The following CLMN variants were observed in gnomAD, a reference collection of about 807,000 sequenced individuals.
CLMN encodes calmin.
CLMN carries 57 observed loss-of-function variants against 92.7 expected under a neutral mutation model. The observed-to-expected ratio is 0.61, with a 90% CI of 0.50 to 0.77. The LOEUF is 0.77. Among genes scored for constraint, CLMN ranks in the 30% least tolerant of loss-of-function variants. The pLI, the probability that CLMN is intolerant of heterozygous loss-of-function variation, is 0.00. For missense variants in CLMN, 1,158 were observed against 1,237.5 expected, an observed-to-expected ratio of 0.94 and a Z score of 0.96; for synonymous variants, 466 against 470.6, an observed-to-expected ratio of 0.99 and a Z score of 0.13.
chr14:95,308,740 T>G (rs537630438), intron 1 of CLMN, among the ~76,000 whole-genome samples: 18 of 152,186 alleles, frequency 1.2e-4, no homozygotes, highest in Non-Finnish European at 1.8e-4. Context: ...ATGTACTGTA[T>G]ATTATACATA....
intron 1 of CLMN, among the ~76,000 whole-genome samples, chr14:95,278,378 T>C (rs1371853847): frequency 6.6e-6 from 1 of 152,162 alleles, no homozygotes; most frequent in African/African-American, 2.4e-5. Flanking sequence ...TCTGAAAAAG[T>C]TTTTTCTTCT....
intron 8 of CLMN, among the ~76,000 whole-genome samples, chr14:95,208,425 C>A (rs58656724): frequency 1.3e-5 from 2 of 152,184 alleles, no homozygotes; most frequent in Admixed American, 6.5e-5. Context: ...CAAAAAAACT[C>A]TCACCAAGTA....
chr14:95,209,816 C>T (rs1566868229), intron 7 of CLMN, among the ~76,000 whole-genome samples: 1 of 152,180 alleles, frequency 6.6e-6, no homozygotes. Context: ...ATATGGTATA[C>T]GGAGTCCTAC....
At chr14:95,252,575 A>T (rs1265066370) in intron 1 of CLMN, among the ~76,000 whole-genome samples, 1 of 152,146 alleles carries the variant, frequency 6.6e-6, no homozygotes, top group Non-Finnish European at 1.5e-5. Context: ...TCTGACTACG[A>T]AGGACCTTAG....
In CLMN at chr14:95,246,508, G is replaced by A. The variant is rs144569753; in HGVS notation, c.83-16375C>T. ...TTTTGAGATGGAGTCTCGCTCTGTCGCCCAGGCTGGAGTGCAGTGGCGCCA... is the reference window on the plus strand; with the variant it reads ...TTTTGAGATGGAGTCTCGCTCTGTCACCCAGGCTGGAGTGCAGTGGCGCCA... On this transcript the variant is annotated intron_variant, in intron 1 of 12. Transcript: ENST00000298912. Among the ~76,000 whole-genome samples, 141 of 152,300 alleles carry A rather than the reference G, an allele frequency of 9.3e-4. 1 individual carries two copies. In the East Asian group the frequency reaches 0.02, roughly 21 times the overall value.
intron 1 of CLMN, among the ~76,000 whole-genome samples, chr14:95,312,133 G>T (rs1403786531): frequency 6.6e-6 from 1 of 152,010 alleles, no homozygotes; most frequent in Non-Finnish European, 1.5e-5. Context: ...AGACTGGACT[G>T]GGCCTCCCTC....
chr14:95,191,688 CT>C lies in CLMN; in HGVS notation c.2884del (p.Ser962AlafsTer7). On this transcript the variant is annotated frameshift_variant, in exon 13 of 13. Coordinates refer to ENST00000298912, the MANE Select transcript of CLMN (RefSeq NM_024734.4). LOFTEE classifies it high-confidence loss of function. This position sits in a 1 kb window ranked among gnomAD's most constrained non-coding sequence, Gnocchi z 5.3. ...SGEAMSLGSH[S>X]PQSDSLTQLV... is the part of the protein sequence containing the mutation. ...CTGTGTCAGGGAGTCACTCTGCGGG[CT>C]GTGGCTCCCCAGTGACATGGCTTCT... is the stretch of plus-strand genomic sequence containing the variant. 1.9e-6 allele frequency: 3 copies of C among 1,612,888 alleles called. No individual in the cohort carries two copies. Among genetic ancestry groups the C allele is most frequent in the Non-Finnish European group, 2.5e-6 (3 of 1,179,834 alleles).
Position 95,203,899 on chromosome 14 carries a change from A to G in CLMN, c.1450T>C (p.Ser484Pro), listed in dbSNP as rs1896965094. 1 of 1,613,128 alleles carries G rather than the reference A, an allele frequency of 6.2e-7. No homozygotes were observed. Among genetic ancestry groups the G allele is most frequent in the Non-Finnish European group, 8.5e-7 (1 of 1,180,020 alleles). The change falls in exon 9 of 13, where the codon TCC becomes CCC. Residue 484 changes from serine to proline, a missense_variant. By Grantham distance (74) the Ser-to-Pro change is moderately conservative (BLOSUM62 -1). Coordinates refer to ENST00000298912, the MANE Select transcript of CLMN (RefSeq NM_024734.4). ...QKQESSKIPE[S>P]SSDKVAGDIF... The stretch of plus-strand genomic sequence containing the variant: ...TCACCAGCGACCTTGTCAGAGGAGG[A>G]TTCTGGAATCTTCGAGGATTCCTGT...
At chr14:95,306,874 C>T (rs1901302107) in intron 1 of CLMN, among the ~76,000 whole-genome samples, 1 of 152,140 alleles carries the variant, frequency 6.6e-6, no homozygotes, top group Admixed American at 6.5e-5. Flanking sequence ...GTCCTACATC[C>T]TCACCTTCTA....
chr14:95,245,280 ATAGTTTT>A, intron 1 of CLMN, among the ~76,000 whole-genome samples: 1 of 74,056 alleles, frequency 1.4e-5, no homozygotes, highest in Non-Finnish European at 2.3e-5. Flanking sequence ...TTATATATAT[ATAGTTTT>A]GTTTTGTTTT....
Position 95,191,265 on chromosome 14 carries a change from T to C in CLMN, c.*299A>G, listed in dbSNP as rs1184499972. ...TGCTAAGATCCAGGCGGGCTAATGATCACTAACAATGCTCCCTATCCAACC... is the reference window on the plus strand; with the variant it reads ...TGCTAAGATCCAGGCGGGCTAATGACCACTAACAATGCTCCCTATCCAACC... On this transcript the variant is annotated 3_prime_UTR_variant, in exon 13 of 13. Transcript: ENST00000298912. The surrounding 1 kb of genome is among the most constrained non-coding windows in gnomAD (Gnocchi z 5.3). 1 of 215,964 alleles carries C rather than the reference T, an allele frequency of 4.6e-6. No individual in the cohort carries two copies. The highest frequency in any genetic ancestry group is 9.0e-6 in the Non-Finnish European group (1 of 110,582). 13.4% of individuals were successfully genotyped at this position (215,964 alleles called of 1,614,324 possible). A position where few individuals can be genotyped will look rare whatever the true frequency, so the allele number is the denominator to read the frequency against.
chr14:95,204,541 TAAG>T, intron 8 of CLMN, 78 bp from the exon 9 acceptor site: 1 of 1,307,840 alleles, frequency 7.6e-7, no homozygotes, highest in Non-Finnish European at 1.0e-6. Flanking sequence ...GCAACATGAG[TAAG>T]AAGAATATTT....
chr14:95,245,179 T>TATATATATATATA (rs1898420052), intron 1 of CLMN, among the ~76,000 whole-genome samples: 3 of 35,906 alleles, frequency 8.4e-5, no homozygotes, highest in African/African-American at 2.5e-4. Flanking sequence ...TTATATTATA[T>TATATATATATATA]ATATATATAT....
chr14:95,234,226 GA>G (rs898680840), intron 1 of CLMN, among the ~76,000 whole-genome samples: 4 of 152,142 alleles, frequency 2.6e-5, no homozygotes, highest in African/African-American at 9.7e-5. Context: ...TATCAGCCCA[GA>G]AAGCACCCCC....
chr14:95,191,406 G>GA lies in CLMN; in HGVS notation c.*157dup, dbSNP rs540351557. 92,148 of 354,368 alleles carry GA rather than the reference G, an allele frequency of 0.26. 2,909 individuals are homozygous for GA. The highest frequency in any genetic ancestry group is 0.41 in the East Asian group (9,558 of 23,504). The allele number at this position is 354,368 out of a possible 1,614,324, so 22.0% of individuals were successfully genotyped here. A position where few individuals can be genotyped will look rare whatever the true frequency, so the allele number is the denominator to read the frequency against. The stretch of plus-strand genomic sequence containing the variant: ...GTTGTCCAGAAAAAAAAGGAAACCT[G>GA]AAAAAAAAAAAAAAACCACAATAGC... On this transcript the variant is annotated 3_prime_UTR_variant, in exon 13 of 13. Transcript: ENST00000298912. The surrounding 1 kb of genome is among the most constrained non-coding windows in gnomAD (Gnocchi z 5.3).
At chr14:95,193,583 A>G (rs547242907) in intron 12 of CLMN, among the ~76,000 whole-genome samples, 1 of 152,296 alleles carries the variant, frequency 6.6e-6, no homozygotes, top group Non-Finnish European at 1.5e-5. Context: ...ACACAGCTGC[A>G]GGCTCAGAAC....
At chr14:95,280,012 ATTAAG>A (rs1900086968) in intron 1 of CLMN, among the ~76,000 whole-genome samples, 1 of 151,548 alleles carries the variant, frequency 6.6e-6, no homozygotes, top group African/African-American at 2.4e-5. Flanking sequence ...AAAGGATTAT[ATTAAG>A]TTAGATAGGC....
At chr14:95,226,311 T>C (rs1212386844) in intron 2 of CLMN, among the ~76,000 whole-genome samples, 1 of 152,208 alleles carries the variant, frequency 6.6e-6, no homozygotes, top group Admixed American at 6.5e-5. Context: ...ATAGTTGTTA[T>C]ACTCTATCGT....
At chr14:95,192,022 G>A (rs1595547411) in intron 12 of CLMN, 3 of 285,704 alleles carry the variant, frequency 1.1e-5, no homozygotes, top group Admixed American at 5.1e-5. Context: ...GGCTTTCGGG[G>A]TGGAGTGACT....
Sources: allele counts gnomAD v4.1 joint callset (sites outside exome capture counted in the v4.1 genomes callset), GRCh38; gene constraint gnomAD v4.1.1; non-coding constraint Gnocchi (gnomAD v3.1); transcripts MANE v1.5; gene names NCBI Gene and HGNC (gene_info 2026-07-23, HGNC 2026-07-21).